Variants in NRG2 observed in about 807,000 individuals in gnomAD.
NRG2 encodes pro-neuregulin-2, membrane-bound isoform.
NRG2 carries 27 observed loss-of-function variants against 73.9 expected under a neutral mutation model. The observed-to-expected ratio is 0.37, with a 90% CI of 0.27 to 0.50. The LOEUF (loss-of-function observed/expected upper bound fraction) is 0.50. NRG2 is among the 20% of genes least tolerant of loss of function. The probability of loss-of-function intolerance (pLI) is 0.96; values close to 1 mark genes in which losing one functional copy is unlikely to be tolerated. For synonymous variants in NRG2, 532 were observed against 541.0 expected (o/e 0.98, Z 0.23); for missense variants, 1,126 against 1,210.1 (o/e 0.93, Z 1.03).
chr5:139,911,842 G>A (rs565900877), intron 1 of NRG2, among the ~76,000 whole-genome samples: 86 of 152,274 alleles, frequency 5.6e-4, no homozygotes, highest in African/African-American at 2.1e-3. Context: ...AATAACAACC[G>A]GCACTTACAC....
chr5:139,848,779 G>GGGGCC, intron 9 of NRG2, 82 bp from the exon 10 acceptor site: 3 of 198,602 alleles, frequency 1.5e-5, no homozygotes, highest in Non-Finnish European at 3.0e-5. Context: ...GGTAGGGTGG[G>GGGGCC]AGGGGCGGAC....
chr5:139,927,764 C>CAA (rs67854211), intron 1 of NRG2, among the ~76,000 whole-genome samples: 15 of 82,422 alleles, frequency 1.8e-4, no homozygotes, highest in East Asian at 8.3e-4. Context: ...AACCTTGTCT[C>CAA]AAAAAAAAAA....
chr5:139,903,909 A>G (rs1765044502), intron 1 of NRG2, among the ~76,000 whole-genome samples: 1 of 152,208 alleles, frequency 6.6e-6, no homozygotes, highest in Admixed American at 6.5e-5. Context: ...GAGGAAGGGA[A>G]GGCAGTGACA....
At chr5:139,924,424 T>A (rs1751898837) in intron 1 of NRG2, among the ~76,000 whole-genome samples, 1 of 152,244 alleles carries the variant, frequency 6.6e-6, no homozygotes, top group African/African-American at 2.4e-5. Flanking sequence ...CTTGTTGGGT[T>A]CTACAGATGG....
At chr5:139,972,054 A>G (rs1435185735) in intron 1 of NRG2, among the ~76,000 whole-genome samples, 1 of 152,248 alleles carries the variant, frequency 6.6e-6, no homozygotes, top group Non-Finnish European at 1.5e-5. Context: ...GGAACATAAT[A>G]TAAAGCCAAG....
chr5:140,002,106 C>G (rs970011158), intron 1 of NRG2, among the ~76,000 whole-genome samples: 2 of 152,032 alleles, frequency 1.3e-5, no homozygotes, highest in Non-Finnish European at 2.9e-5. Flanking sequence ...GTCACTTGAG[C>G]CTGGGAGGTC....
chr5:139,974,399 C>A (rs990208061), intron 1 of NRG2, among the ~76,000 whole-genome samples: 4 of 152,060 alleles, frequency 2.6e-5, no homozygotes, highest in African/African-American at 9.7e-5. Flanking sequence ...CCCCAAAAGG[C>A]ACAAGCCACA....
chr5:140,005,244 A>C (rs1758800507), intron 1 of NRG2, among the ~76,000 whole-genome samples: 1 of 152,196 alleles, frequency 6.6e-6, no homozygotes, highest in South Asian at 2.1e-4. Context: ...ACATCAAAGG[A>C]CCTGATAATA....
intron 1 of NRG2, among the ~76,000 whole-genome samples, chr5:140,038,418 C>T (rs1028174136): frequency 2.6e-5 from 4 of 152,136 alleles, no homozygotes; most frequent in African/African-American, 9.7e-5. Context: ...GTGCTCAAAT[C>T]CCATTAACAC....
At chr5:140,014,635 C>T (rs1759632976) in intron 1 of NRG2, among the ~76,000 whole-genome samples, 1 of 151,886 alleles carries the variant, frequency 6.6e-6, no homozygotes, top group African/African-American at 2.4e-5. Context: ...TACAATCCAG[C>T]CTCTTCTCAT....
At chr5:139,943,390 C>T (rs1271300744) in intron 1 of NRG2, among the ~76,000 whole-genome samples, 2 of 152,134 alleles carry the variant, frequency 1.3e-5, no homozygotes, top group East Asian at 3.8e-4. Flanking sequence ...CCTCATGATC[C>T]ACCTGCCTCA....
At position 139,848,346 on chromosome 5, in the gene NRG2, G is replaced by T. The variant is rs554638565; in HGVS notation, c.2124C>A (p.Pro708=). 365 of 1,218,428 alleles carry T rather than the reference G, an allele frequency of 3.0e-4. 3 individuals are homozygous for T. In the East Asian group the frequency reaches 0.01, roughly 34 times the overall value. The allele number at this position is 1,218,428 out of a possible 1,614,324, so 75.5% of individuals were successfully genotyped here. A position where few individuals can be genotyped will look rare whatever the true frequency, so the allele number is the denominator to read the frequency against. Residue 708 remains proline, a synonymous_variant, in exon 10 of 10, where the codon CCC becomes CCA. Coordinates refer to ENST00000361474, the MANE Select transcript of NRG2 (RefSeq NM_004883.3). ...GCGTGGTCTCGTACTCGTCGTCCTC[G>T]GGGATGCGGAAGGGGCTGGCAGGCA... ...GSLPASPFRI[P]EDDEYETTQE...
Position 139,848,373 on chromosome 5 carries a change from G to T in NRG2, c.2097C>A (p.Ser699Arg). 1 of 1,243,094 alleles carries T rather than the reference G, an allele frequency of 8.0e-7. No homozygotes were observed. Among genetic ancestry groups the T allele is most frequent in the East Asian group, 3.3e-5 (1 of 30,162 alleles). 77.0% of individuals were successfully genotyped at this position (1,243,094 alleles called of 1,614,324 possible). A position where few individuals can be genotyped will look rare whatever the true frequency, so the allele number is the denominator to read the frequency against. Reference protein sequence around the residue: ...GTCALGGSLGSLPASPFRIPE... With the variant: ...GTCALGGSLGRLPASPFRIPE... ...GGATGCGGAAGGGGCTGGCAGGCAG[G>T]CTGCCCAGGCTGCCGCCGAGCGCGC... is the stretch of plus-strand genomic sequence containing the variant. The change falls in exon 10 of 10, where the codon AGC (serine) becomes AGA (arginine). Residue 699 changes from serine to arginine, a missense_variant. By Grantham distance (110) the Ser-to-Arg change is moderately radical (BLOSUM62 -1). Around this residue, in one of 3 missense-constraint regions of NRG2, gnomAD observed 402 missense variants for 357.8 expected, o/e 1.12. Coordinates refer to ENST00000361474, the MANE Select transcript of NRG2 (RefSeq NM_004883.3).
intron 1 of NRG2, among the ~76,000 whole-genome samples, chr5:139,984,771 C>T (rs1197205681): frequency 1.3e-5 from 2 of 152,176 alleles, no homozygotes; most frequent in Middle Eastern, 6.3e-3. Context: ...GCTAAGTGAC[C>T]GCTAAGGTCA....
chr5:139,906,541 C>T (rs1291890274), intron 1 of NRG2, among the ~76,000 whole-genome samples: 1 of 152,172 alleles, frequency 6.6e-6, no homozygotes, highest in Non-Finnish European at 1.5e-5. Context: ...ATCTCTCTCC[C>T]TTTTTGGCCT....
At chr5:140,036,022 C>G (rs1446417210) in intron 1 of NRG2, among the ~76,000 whole-genome samples, 1 of 152,186 alleles carries the variant, frequency 6.6e-6, no homozygotes, top group East Asian at 1.9e-4. Flanking sequence ...ACCAGTCCTG[C>G]CCCACACTCA....
chr5:139,919,113 G>C (rs1751480234), intron 1 of NRG2, among the ~76,000 whole-genome samples: 1 of 152,160 alleles, frequency 6.6e-6, no homozygotes, highest in African/African-American at 2.4e-5. Context: ...AGCCAGGCCA[G>C]GTTTCTGCAA....
chr5:139,854,442 C>T (rs1761687986), intron 6 of NRG2, among the ~76,000 whole-genome samples: 1 of 152,252 alleles, frequency 6.6e-6, no homozygotes, highest in African/African-American at 2.4e-5. Flanking sequence ...TGAGGCAGGA[C>T]CTGGTGTCCA....
intron 1 of NRG2, among the ~76,000 whole-genome samples, chr5:140,022,198 T>G (rs1760290578): frequency 6.6e-6 from 1 of 152,212 alleles, no homozygotes; most frequent in African/African-American, 2.4e-5. Flanking sequence ...TTCTTCGTGA[T>G]TTTATTCAAG....
Sources: allele counts gnomAD v4.1 joint callset (sites outside exome capture counted in the v4.1 genomes callset), GRCh38; gene constraint gnomAD v4.1.1; regional missense constraint gnomAD v4.1.1; transcripts MANE v1.5; gene names NCBI Gene and HGNC (gene_info 2026-07-23, HGNC 2026-07-21).